Variants in TARBP1 observed in about 807,000 individuals in gnomAD.
TARBP1 encodes tRNA guanosine 2 -O-methyltransferase TARBP1, also known as tRNA (guanosine(18)-2'-O)-methyltransferase TARBP1.
Under a neutral mutation model 178.6 loss-of-function variants are expected in TARBP1, and 144 were observed. The ratio of observed to expected loss-of-function variants is 0.81; its 90% CI spans 0.70 to 0.93. TARBP1 has a LOEUF of 0.93. TARBP1 is among the 40% of genes least tolerant of loss of function. The pLI, the probability that TARBP1 is intolerant of heterozygous loss-of-function variation, is 0.00. For missense variants in TARBP1, 2,067 were observed against 2,011.7 expected (o/e 1.03, Z -0.53); for synonymous variants, 787 against 781.0 (o/e 1.01, Z -0.13).
chr1:234,465,954 G>C lies in TARBP1; in HGVS notation c.1249-246C>G, dbSNP rs1003262866. Among the ~76,000 whole-genome samples, 3 of 152,242 alleles carry C rather than the reference G, an allele frequency of 2.0e-5. No homozygotes were observed. In the South Asian group the frequency reaches 6.2e-4, roughly 32 times the overall value. Reference sequence around the variant, plus strand: ...AAATTTATGCCATACTAAAAAGAGAGTTCATGTGTTGGGTCAAGAAAGAAG... The same window carrying C: ...AAATTTATGCCATACTAAAAAGAGACTTCATGTGTTGGGTCAAGAAAGAAG... On this transcript the variant is annotated intron_variant, in intron 4 of 29. Transcript: ENST00000040877.
At chr1:234,401,334 A>G (rs1377902128) in intron 24 of TARBP1, 72 bp from the exon 25 acceptor site, 13 of 1,174,312 alleles carry the variant, frequency 1.1e-5, no homozygotes, top group Non-Finnish European at 1.6e-5. Context: ...TCAATTCAGT[A>G]TCTTAAAGGG....
intron 8 of TARBP1, 42 bp from the exon 9 acceptor site, chr1:234,457,798 A>G: frequency 1.4e-6 from 2 of 1,480,742 alleles, no homozygotes; most frequent in Non-Finnish European, 1.9e-6. Flanking sequence ...CTCGTATTAA[A>G]ATGTTTAATT....
chr1:234,435,129 T>C (rs1664869938), intron 13 of TARBP1, among the ~76,000 whole-genome samples: 1 of 152,060 alleles, frequency 6.6e-6, no homozygotes, highest in Non-Finnish European at 1.5e-5. Flanking sequence ...GAAGGGAACA[T>C]GAAATTGAGA....
chr1:234,440,377 T>TA (rs202004887), intron 12 of TARBP1, among the ~76,000 whole-genome samples: 107 of 138,862 alleles, frequency 7.7e-4, no homozygotes, highest in East Asian at 2.2e-3. Context: ...AAAAAATCTA[T>TA]AAAAAAAAAA....
At chr1:234,470,952 G>A (rs988353500) in intron 3 of TARBP1, among the ~76,000 whole-genome samples, 28 of 152,042 alleles carry the variant, frequency 1.8e-4, no homozygotes. Context: ...AAGGATATGA[G>A]TAGATGCATA....
intron 19 of TARBP1, among the ~76,000 whole-genome samples, chr1:234,426,617 T>TA (rs1158831466): frequency 6.6e-6 from 1 of 152,152 alleles, no homozygotes; most frequent in African/African-American, 2.4e-5. Flanking sequence ...ACTCTAAAAT[T>TA]AGAGTGAATG....
intron 12 of TARBP1, among the ~76,000 whole-genome samples, chr1:234,440,974 A>G (rs553104722): frequency 5.3e-5 from 8 of 152,192 alleles, no homozygotes; most frequent in Admixed American, 1.3e-4. Context: ...GCCTGAGGTC[A>G]GGAGTTTGAG....
chr1:234,463,874 T>A lies in TARBP1; in HGVS notation c.1362A>T (p.Leu454Phe), dbSNP rs766319285. Residue 454 changes from leucine to phenylalanine, a missense_variant, in exon 6 of 30, where the codon TTA becomes TTT. Physicochemically the swap from Leu to Phe is conservative, Grantham distance 22. Coordinates refer to ENST00000040877, the MANE Select transcript of TARBP1 (RefSeq NM_005646.4). ...SPLGLKLQKF[L>F]VTYISLLPEE... is the part of the protein sequence containing the mutation. ...CTGGAAGAAGAGAAATATAAGTGAC[T>A]AAAAACTTCTGTAATTTCAGTCCCA... 5 of 1,598,044 alleles carry A rather than the reference T, an allele frequency of 3.1e-6. No homozygotes were observed. In the East Asian group the frequency reaches 6.8e-5, roughly 22 times the overall value.
chr1:234,471,265 T>C lies in TARBP1; in HGVS notation c.1030-8A>G. 1 of 1,554,260 alleles carries C rather than the reference T, an allele frequency of 6.4e-7. No individual in the cohort carries two copies. Among genetic ancestry groups the C allele is most frequent in the Non-Finnish European group, 8.7e-7 (1 of 1,144,806 alleles). ...TGGCTTTATAACATGTATCTAAAAA[T>C]AAGAGCAAAAAAATCATATGAAATG... On this transcript the variant is annotated splice_region_variant and splice_polypyrimidine_tract_variant and intron_variant, in intron 2 of 29. Coordinates refer to ENST00000040877, the MANE Select transcript of TARBP1 (RefSeq NM_005646.4).
intron 5 of TARBP1, 101 bp from the exon 6 acceptor site, chr1:234,464,035 A>G: frequency 1.8e-6 from 1 of 566,284 alleles, no homozygotes; most frequent in Non-Finnish European, 2.8e-6. Context: ...TCTTTCAACA[A>G]TAAAACAATC....
chr1:234,437,538 A>C (rs1174355875), intron 12 of TARBP1, among the ~76,000 whole-genome samples, 166 bp from the exon 13 acceptor site: 1 of 152,220 alleles, frequency 6.6e-6, no homozygotes, highest in African/African-American at 2.4e-5. Flanking sequence ...AGCTATACTT[A>C]ATCTTAAGTC....
intron 28 of TARBP1, chr1:234,392,803 C>T (rs994878659): frequency 1.1e-4 from 24 of 216,878 alleles, no homozygotes; most frequent in South Asian, 1.8e-4. Context: ...CTCCGCCTCC[C>T]GGGTTCACGC....
At chr1:234,398,347 CA>C (rs760824160) in intron 26 of TARBP1, 34 bp downstream of exon 26, 9 of 1,536,204 alleles carry the variant, frequency 5.9e-6, no homozygotes, top group Non-Finnish European at 7.9e-6. Flanking sequence ...ACCAGATCAA[CA>C]AGGGGAAAAA....
chr1:234,423,622 G>A (rs376864575), intron 20 of TARBP1, among the ~76,000 whole-genome samples: 4 of 152,182 alleles, frequency 2.6e-5, no homozygotes, highest in African/African-American at 7.2e-5. Flanking sequence ...CGTCCTCCAC[G>A]CAGCACTACC....
In TARBP1 at chr1:234,391,554, A is replaced by T; in HGVS notation, c.*23T>A. 6.3e-7 allele frequency: 1 copy of T among 1,575,310 alleles called. No homozygotes were observed. The highest frequency in any genetic ancestry group is 8.6e-7 in the Non-Finnish European group (1 of 1,157,038). On this transcript the variant is annotated 3_prime_UTR_variant, in exon 30 of 30. Coordinates refer to ENST00000040877, the MANE Select transcript of TARBP1 (RefSeq NM_005646.4). Reference sequence around the variant, plus strand: ...TTTTTAAAAAAGTCTGAACAGCAGCAGCAGTTCACTAAGGAAGGCACATCA... The same window carrying T: ...TTTTTAAAAAAGTCTGAACAGCAGCTGCAGTTCACTAAGGAAGGCACATCA...
At chr1:234,452,325 T>C (rs2103229937) in intron 9 of TARBP1, among the ~76,000 whole-genome samples, 1 of 152,284 alleles carries the variant, frequency 6.6e-6, no homozygotes, top group East Asian at 1.9e-4. Flanking sequence ...AAAACACATA[T>C]CTGATAAAGG....
chr1:234,393,674 C>T lies in TARBP1; in HGVS notation c.4407G>A (p.Ser1469=), dbSNP rs577025537. Reference sequence around the variant, plus strand: ...CTAAATTGGTCGGTTTGTCGATGAGCGAGGCCACAACGATGAGTCTACTAA... The same window carrying T: ...CTAAATTGGTCGGTTTGTCGATGAGTGAGGCCACAACGATGAGTCTACTAA... ...KSISRLIVVA[S]LIDKPTNLGG... The change falls in exon 27 of 30, where the codon TCG becomes TCA. Residue 1469 remains serine (S), a synonymous_variant. Coordinates refer to ENST00000040877, the MANE Select transcript of TARBP1 (RefSeq NM_005646.4). 1.5e-5 allele frequency: 24 copies of T among 1,613,136 alleles called. No homozygotes were observed. The highest frequency in any genetic ancestry group is 4.0e-5 in the African/African-American group (3 of 75,004).
chr1:234,420,571 T>G (rs1413716208), intron 21 of TARBP1, 131 bp downstream of exon 21: 5 of 508,762 alleles, frequency 9.8e-6, no homozygotes, highest in Non-Finnish European at 1.3e-5. Context: ...TAACTTCAAT[T>G]TTAAGAACTG....
intron 3 of TARBP1, among the ~76,000 whole-genome samples, chr1:234,468,585 C>T (rs1261823196): frequency 1.3e-5 from 2 of 152,186 alleles, no homozygotes; most frequent in African/African-American, 4.8e-5. Flanking sequence ...ACCAATTCTT[C>T]TCTTATCCCA....
Sources: gnomAD v4.1 joint callset for allele counts (sites outside exome capture counted in the v4.1 genomes callset) on GRCh38, gnomAD v4.1.1 for gene constraint, MANE v1.5 for transcripts, NCBI Gene and HGNC (gene_info 2026-07-23, HGNC 2026-07-21) for gene names.